Variants in TTC17 observed in about 807,000 individuals in gnomAD.
The protein encoded by TTC17 is tetratricopeptide repeat protein 17.
Under a neutral mutation model 143.8 loss-of-function variants are expected in TTC17, and 58 were observed. The observed-to-expected ratio is 0.40, with a 90% CI of 0.33 to 0.50. The LOEUF is 0.50. Among genes scored for constraint, TTC17 ranks in the 20% least tolerant of loss-of-function variants. The pLI is 0.49. For missense variants in TTC17, 1,273 were observed against 1,392.5 expected, an observed-to-expected ratio of 0.91 and a Z score of 1.37; for synonymous variants, 501 against 497.8, an observed-to-expected ratio of 1.01 and a Z score of -0.09.
At chr11:43,491,953 C>A in intron 22 of TTC17, 67 bp from the exon 23 acceptor site, 1 of 1,583,956 alleles carries the variant, frequency 6.3e-7, no homozygotes, top group South Asian at 1.2e-5. Context: ...TCTTTATGAT[C>A]ACCAAAAACA....
At chr11:43,430,116 C>T (rs1420652450) in intron 16 of TTC17, among the ~76,000 whole-genome samples, 2 of 152,108 alleles carry the variant, frequency 1.3e-5, no homozygotes, top group African/African-American at 4.8e-5. Context: ...GGGGAAGCTT[C>T]GACTGAAGCA....
chr11:43,444,092 G>A lies in TTC17; in HGVS notation c.2548G>A (p.Gly850Arg). The change falls in exon 18 of 24, where the codon GGA becomes AGA. Residue 850 changes from glycine to arginine, a missense_variant. Physicochemically the swap from Gly to Arg is moderately radical, Grantham distance 125 (BLOSUM62 -2). Coordinates refer to ENST00000039989, the MANE Select transcript of TTC17 (RefSeq NM_018259.6). ...FQVKRVKKPK[G>R]DHKKTPGKKV... The stretch of plus-strand genomic sequence containing the variant: ...GGTCAAACGTGTAAAGAAACCCAAA[G>A]GAGATCATAAGAAAACTCCTGGGAA... 1 of 1,612,996 alleles carries A rather than the reference G, an allele frequency of 6.2e-7. No homozygotes were observed. The highest frequency in any genetic ancestry group is 8.5e-7 in the Non-Finnish European group (1 of 1,179,618).
At chr11:43,426,304 C>G (rs1329372136) in intron 16 of TTC17, among the ~76,000 whole-genome samples, 1 of 152,246 alleles carries the variant, frequency 6.6e-6, no homozygotes, top group Non-Finnish European at 1.5e-5. Flanking sequence ...TGCAAAGTGG[C>G]CACTGAGGTG....
chr11:43,401,590 A>AACGTT (rs1452931357), intron 10 of TTC17, 32 bp downstream of exon 10: 3 of 1,452,204 alleles, frequency 2.1e-6, no homozygotes, highest in Non-Finnish European at 2.8e-6. Flanking sequence ...AATTCTTATA[A>AACGTT]ACGTTTGCTT....
At chr11:43,485,883 G>GTTTTT (rs751026290) in intron 21 of TTC17, among the ~76,000 whole-genome samples, 7 of 112,618 alleles carry the variant, frequency 6.2e-5, no homozygotes, top group Non-Finnish European at 1.1e-4. Context: ...TTGGTTTTTT[G>GTTTTT]TTTTTTTTTT....
intron 21 of TTC17, among the ~76,000 whole-genome samples, chr11:43,463,416 T>G (rs962805589): frequency 1.1e-4 from 17 of 151,452 alleles, no homozygotes; most frequent in Non-Finnish European, 1.6e-4. Context: ...GCATACAAAA[T>G]AAAAATATCA....
Position 43,451,271 on chromosome 11 carries a change from T to G in TTC17, c.3030+6T>G. The G allele has an allele frequency of 1.2e-6, 2 of 1,612,634 alleles. No individual in the cohort carries two copies. The highest frequency in any genetic ancestry group is 1.7e-6 in the Non-Finnish European group (2 of 1,178,716). On this transcript the variant is annotated splice_donor_region_variant and intron_variant, in intron 21 of 23. Transcript: ENST00000039989. Reference sequence around the variant, plus strand: ...TTGCCAAAGTTTTGGAAAAGGTAAGTCACCCCACAGAAAAGCTGGAAACAA... The same window carrying G: ...TTGCCAAAGTTTTGGAAAAGGTAAGGCACCCCACAGAAAAGCTGGAAACAA...
intron 1 of TTC17, among the ~76,000 whole-genome samples, chr11:43,372,310 G>GT (rs1271922764): frequency 1.6e-3 from 235 of 144,672 alleles, no homozygotes; most frequent in Admixed American, 3.2e-3. Flanking sequence ...AGGTTCATGG[G>GT]TTTTTTTTTT....
At chr11:43,478,776 G>A (rs552030158) in intron 21 of TTC17, among the ~76,000 whole-genome samples, 4 of 152,124 alleles carry the variant, frequency 2.6e-5, no homozygotes, top group South Asian at 2.1e-4. Flanking sequence ...CGACAGGCAC[G>A]GACCATGCCA....
At chr11:43,409,465 T>G (rs1189938337) in intron 15 of TTC17, among the ~76,000 whole-genome samples, 1 of 152,226 alleles carries the variant, frequency 6.6e-6, no homozygotes, top group Non-Finnish European at 1.5e-5. Context: ...ACCTGTGTCT[T>G]TATTAGAATT....
intron 21 of TTC17, among the ~76,000 whole-genome samples, chr11:43,478,747 A>G (rs1177226707): frequency 6.6e-6 from 1 of 151,928 alleles, no homozygotes; most frequent in East Asian, 1.9e-4. Context: ...CCATCCCGCA[A>G]CCCCCAAAGT....
In TTC17 at chr11:43,472,674, A is replaced by G. The variant is rs79611823; in HGVS notation, c.3031-17565A>G. 3.3e-3 allele frequency among the ~76,000 whole-genome samples: 507 copies of G among 152,262 alleles called. 2 individuals are homozygous for G. The highest frequency in any genetic ancestry group is 0.012 in the African/African-American group (492 of 41,560). ...CTAAAAAGCAAACTTGACCTAACTG[A>G]TATTTCTATAATGTTGATATCAACT... On this transcript the variant is annotated intron_variant, in intron 21 of 23. Transcript: ENST00000039989.
intron 2 of TTC17, among the ~76,000 whole-genome samples, chr11:43,383,690 G>C (rs1174011295): frequency 6.6e-6 from 1 of 152,086 alleles, no homozygotes; most frequent in African/African-American, 2.4e-5. Flanking sequence ...TTTTAAAAGA[G>C]AAGAAACAAT....
intron 16 of TTC17, among the ~76,000 whole-genome samples, chr11:43,435,948 A>G (rs1947282927): frequency 6.6e-6 from 1 of 152,218 alleles, no homozygotes; most frequent in Admixed American, 6.5e-5. Context: ...AATACTTGAC[A>G]ATAGCCTACA....
chr11:43,444,722 T>TACACACACACAC (rs10638143), intron 18 of TTC17, among the ~76,000 whole-genome samples: 15 of 143,630 alleles, frequency 1.0e-4, no homozygotes, highest in Non-Finnish European at 1.5e-4. Flanking sequence ...ACCAAATACA[T>TACACACACACAC]ACACACACAC....
At chr11:43,487,831 T>C (rs1452358022) in intron 21 of TTC17, among the ~76,000 whole-genome samples, 1 of 152,218 alleles carries the variant, frequency 6.6e-6, no homozygotes, top group Non-Finnish European at 1.5e-5. Flanking sequence ...CTCTTCGGCT[T>C]GCAGTTGGCC....
chr11:43,490,468 A>G (rs2134492755), intron 22 of TTC17, 110 bp downstream of exon 22: 1 of 1,439,158 alleles, frequency 6.9e-7, no homozygotes, highest in East Asian at 2.4e-5. Context: ...GTGAGGACAT[A>G]TTCCAAGGAG....
At chr11:43,479,610 G>A (rs781157379) in intron 21 of TTC17, among the ~76,000 whole-genome samples, 30 of 152,158 alleles carry the variant, frequency 2.0e-4, no homozygotes, top group Non-Finnish European at 3.7e-4. Context: ...AATAGCAAAG[G>A]CAAAGGTATC....
At chr11:43,479,682 G>T (rs1321249026) in intron 21 of TTC17, among the ~76,000 whole-genome samples, 1 of 152,196 alleles carries the variant, frequency 6.6e-6, no homozygotes, top group Admixed American at 6.5e-5. Flanking sequence ...AGGTATTTCA[G>T]AAAAGCAAAT....
Sources: gnomAD v4.1 joint callset for allele counts (sites outside exome capture counted in the v4.1 genomes callset) on GRCh38, gnomAD v4.1.1 for gene constraint, MANE v1.5 for transcripts, NCBI Gene and HGNC (gene_info 2026-07-23, HGNC 2026-07-21) for gene names.